XPNPEP2: variants seen among roughly 807,000 people sequenced by gnomAD.
XPNPEP2 encodes X-prolyl aminopeptidase 2.
Under a neutral mutation model 59.8 loss-of-function variants are expected in XPNPEP2, and 64 were observed. The observed-to-expected ratio is 1.07, with a 90% CI of 0.87 to 1.32. The LOEUF (loss-of-function observed/expected upper bound fraction) is 1.32, where lower values mean the gene tolerates loss of function less well. Among genes scored for constraint, XPNPEP2 ranks in the 40% most tolerant of loss-of-function variants. The pLI, the probability that XPNPEP2 is intolerant of heterozygous loss-of-function variation, is 0.00. For synonymous variants in XPNPEP2, 235 were observed against 210.0 expected, an observed-to-expected ratio of 1.12 and a Z score of -1.03; for missense variants, 575 against 546.8, an observed-to-expected ratio of 1.05 and a Z score of -0.51.
chrX:129,757,873 AAG>A (rs200174393), intron 14 of XPNPEP2, among the ~76,000 whole-genome samples: 2,331 of 66,558 alleles, frequency 0.035, 83 homozygotes, highest in African/African-American at 0.044. Context: ...GAGAGAGAGA[AAG>A]AGAGAGAGAG....
intron 2 of XPNPEP2, among the ~76,000 whole-genome samples, chrX:129,742,445 G>A (rs1016831417): frequency 3.0e-5 from 3 of 101,414 alleles, no homozygotes; most frequent in Non-Finnish European, 6.0e-5. Context: ...ATCTGCTTCC[G>A]TCCTGATCTG....
chrX:129,767,656 G>C lies in XPNPEP2; in HGVS notation c.1794G>C (p.Arg598=). The C allele has an allele frequency of 8.3e-7, 1 of 1,211,341 alleles. No homozygotes were observed. Among genetic ancestry groups the C allele is most frequent in the Non-Finnish European group, 1.1e-6 (1 of 895,414 alleles). ...TGGTATCATTTGTGCCCTATGACCG[G>C]AACCTCATCGATGTCAGCCTGCTGT... ...FEVVSFVPYD[R]NLIDVSLLSP... is the part of the protein sequence containing the mutation. Residue 598 remains arginine (R), a synonymous_variant, in exon 20 of 21, where the codon CGG becomes CGC. Transcript: ENST00000371106.
At chrX:129,754,652 T>C in intron 12 of XPNPEP2, 71 bp downstream of exon 12, 1 of 974,960 alleles carries the variant, frequency 1.0e-6, no homozygotes, top group Admixed American at 2.8e-5. Context: ...GAGGGGGAAT[T>C]TGTCCCCTTA....
intron 2 of XPNPEP2, 67 bp downstream of exon 2, chrX:129,742,248 G>T: frequency 2.0e-6 from 1 of 499,617 alleles, no homozygotes. Flanking sequence ...CCTGCCCCAC[G>T]CACCCCTGCA....
In XPNPEP2 at chrX:129,747,704, G is replaced by A; in HGVS notation, c.588G>A (p.Arg196=). ...TGGACCTGGTATGGGGATCAGAGAG[G>A]CCACCGGTTCCAAATCAACCCATTT... The part of the protein sequence containing the change: ...NLVDLVWGSE[R]PPVPNQPIYA... Residue 196 remains arginine (R), a synonymous_variant, in exon 7 of 21, where the codon AGG becomes AGA. Transcript: ENST00000371106. 1 of 1,212,020 alleles carries A rather than the reference G, an allele frequency of 8.3e-7. No homozygotes were observed. Among genetic ancestry groups the A allele is most frequent in the Non-Finnish European group, 1.1e-6 (1 of 895,586 alleles).
At chrX:129,753,606 G>A (rs748151158) in intron 11 of XPNPEP2, among the ~76,000 whole-genome samples, 42 of 111,123 alleles carry the variant, frequency 3.8e-4, no homozygotes, top group African/African-American at 1.2e-3. Context: ...TCATGCCACT[G>A]CACTCCAGCC....
intron 3 of XPNPEP2, 130 bp downstream of exon 3, chrX:129,744,201 G>A (rs958521599): frequency 1.8e-6 from 1 of 566,968 alleles, no homozygotes. Flanking sequence ...GAAGTAGAGA[G>A]CATGGACACG....
intron 13 of XPNPEP2, 62 bp from the exon 14 acceptor site, chrX:129,756,422 G>C (rs1168003493): frequency 8.8e-7 from 1 of 1,136,993 alleles, no homozygotes; most frequent in African/African-American, 1.8e-5. Context: ...TCCCACCAAG[G>C]CCTCCCACGT....
rs1207537804 is a variant in XPNPEP2 at position 129,752,306 on chromosome X, C to T, written c.978C>T (p.Thr326=). The T allele has an allele frequency of 6.6e-6, 8 of 1,210,201 alleles. No individual in the cohort carries two copies. Among genetic ancestry groups the T allele is most frequent in the Non-Finnish European group, 8.9e-6 (8 of 895,267 alleles). ...GAGATGTGAGGATCTGGATTGGGAC[C>T]AGCTATACCATGTATGGGATCTATG... is the stretch of plus-strand genomic sequence containing the variant. ...SLGDVRIWIG[T]SYTMYGIYEM... The change falls in exon 10 of 21, where the codon ACC becomes ACT. Residue 326 remains threonine (T), a synonymous_variant. Coordinates refer to ENST00000371106, the MANE Select transcript of XPNPEP2 (RefSeq NM_003399.6).
chrX:129,767,234 AT>A (rs1926767016), intron 19 of XPNPEP2, among the ~76,000 whole-genome samples: 1 of 111,839 alleles, frequency 8.9e-6, no homozygotes, highest in Non-Finnish European at 1.9e-5. Flanking sequence ...AAATAAAATA[AT>A]TGAAATTTAG....
chrX:129,757,481 C>T (rs1042403509), intron 14 of XPNPEP2, among the ~76,000 whole-genome samples: 14 of 108,953 alleles, frequency 1.3e-4, no homozygotes, highest in Admixed American at 4.0e-4. Context: ...CAGTGTACAA[C>T]CTGAATGCTC....
At chrX:129,763,268 A>G (rs186197477) in intron 19 of XPNPEP2, among the ~76,000 whole-genome samples, 141 of 112,875 alleles carry the variant, frequency 1.2e-3, no homozygotes, top group African/African-American at 3.9e-3. Flanking sequence ...TAAATTCAAG[A>G]TAACCTCAAT....
chrX:129,759,282 G>A lies in XPNPEP2; in HGVS notation c.1428+42G>A, dbSNP rs745950013. Reference sequence around the variant, plus strand: ...ATTTCCCCTCACCACCTTCCCCCAAGGGGGCACCCAAGCAGTCAAGATCCC... The same window carrying A: ...ATTTCCCCTCACCACCTTCCCCCAAAGGGGCACCCAAGCAGTCAAGATCCC... On this transcript the variant is annotated intron_variant, in intron 15 of 20. Coordinates refer to ENST00000371106, the MANE Select transcript of XPNPEP2 (RefSeq NM_003399.6). The A allele has an allele frequency of 2.5e-5, 30 of 1,194,320 alleles. No individual in the cohort carries two copies. The East Asian group carries it at 8.9e-4, about 35-fold the overall frequency.
At chrX:129,761,313 T>A in intron 17 of XPNPEP2, 37 bp downstream of exon 17, 1 of 1,080,255 alleles carries the variant, frequency 9.3e-7, no homozygotes, top group East Asian at 3.0e-5. Flanking sequence ...GCCACCCCCC[T>A]TTTATTATAC....
At chrX:129,766,486 C>A (rs1431058836) in intron 19 of XPNPEP2, among the ~76,000 whole-genome samples, 1 of 110,888 alleles carries the variant, frequency 9.0e-6, no homozygotes, top group Non-Finnish European at 1.9e-5. Flanking sequence ...GGATTACAGG[C>A]GTAAGCCATC....
At position 129,760,562 on chromosome X, in the gene XPNPEP2, C is replaced by T. The variant is rs764705958; in HGVS notation, c.1479C>T (p.Ile493=). 8.2e-7 allele frequency: 1 copy of T among 1,212,184 alleles called. No homozygotes were observed. Among genetic ancestry groups the T allele is most frequent in the Admixed American group, 2.2e-5 (1 of 46,069 alleles). ...GAAATATTGACCTGTCCAGGCTCAT[C>T]TTTCCCGCTGCTACATCAGGTGGGT... The part of the protein sequence containing the change: ...LIGNIDLSRL[I]FPAATSGRMV... Residue 493 remains isoleucine (I), a synonymous_variant, in exon 16 of 21, where the codon ATC becomes ATT. Coordinates refer to ENST00000371106, the MANE Select transcript of XPNPEP2 (RefSeq NM_003399.6).
chrX:129,753,042 G>A (rs1397283004), intron 10 of XPNPEP2, 117 bp from the exon 11 acceptor site: 4 of 563,570 alleles, frequency 7.1e-6, no homozygotes, highest in South Asian at 5.5e-5. Flanking sequence ...CAAATCTCAC[G>A]TCTGCTGGGT....
At chrX:129,749,260 C>T (rs1462767759) in intron 7 of XPNPEP2, among the ~76,000 whole-genome samples, 1 of 111,731 alleles carries the variant, frequency 9.0e-6, no homozygotes, top group African/African-American at 3.3e-5. Context: ...TAGGGAGTGA[C>T]TCCTTAGTGA....
Position 129,750,372 on chromosome X carries a change from G to A in XPNPEP2, c.638-96G>A, listed in dbSNP as rs754777099. ...AAAGGGTTTCGCTGCTTTTTAAGAG[G>A]ATGCAAAACTGTTACCCTAAGGCTG... On this transcript the variant is annotated intron_variant, in intron 7 of 20. Coordinates refer to ENST00000371106, the MANE Select transcript of XPNPEP2 (RefSeq NM_003399.6). 4 of 627,895 alleles carry A rather than the reference G, an allele frequency of 6.4e-6. No individual in the cohort carries two copies. In the South Asian group the frequency reaches 1.2e-4, roughly 19 times the overall value. The allele number at this position is 627,895 out of a possible 1,213,427, so 51.7% of individuals were successfully genotyped here.
Sources: gnomAD v4.1 joint callset for allele counts (sites outside exome capture counted in the v4.1 genomes callset) on GRCh38, gnomAD v4.1.1 for gene constraint, MANE v1.5 for transcripts, NCBI Gene and HGNC (gene_info 2026-07-23, HGNC 2026-07-21) for gene names.